Variants in LEPR observed in about 807,000 individuals in gnomAD.
LEPR encodes the protein leptin receptor, also known as OB receptor.
Under a neutral mutation model 114.7 loss-of-function variants are expected in LEPR, and 56 were observed. The observed-to-expected ratio is 0.49, with a 90% CI of 0.39 to 0.61. The LOEUF (loss-of-function observed/expected upper bound fraction) is 0.61, where lower values mean the gene tolerates loss of function less well. LEPR is among the 20% of genes least tolerant of loss of function. The pLI is 0.00. For synonymous variants in LEPR, 443 were observed against 461.4 expected, an observed-to-expected ratio of 0.96 and a Z score of 0.51; for missense variants, 1,202 against 1,352.9, an observed-to-expected ratio of 0.89 and a Z score of 1.75.
intron 2 of LEPR, among the ~76,000 whole-genome samples, chr1:65,470,003 A>G (rs1380011447): frequency 6.6e-6 from 1 of 152,204 alleles, no homozygotes; most frequent in Non-Finnish European, 1.5e-5. Context: ...CATACAGCCA[A>G]CAAAATGAAA....
At chr1:65,475,378 G>C (rs1053413709) in intron 2 of LEPR, among the ~76,000 whole-genome samples, 3 of 152,116 alleles carry the variant, frequency 2.0e-5, no homozygotes, top group Non-Finnish European at 4.4e-5. Flanking sequence ...CCTGAACAAG[G>C]CTGAGCTTAT....
intron 6 of LEPR, among the ~76,000 whole-genome samples, chr1:65,593,942 CAA>C (rs1186631351): frequency 2.0e-5 from 3 of 151,870 alleles, no homozygotes; most frequent in African/African-American, 7.3e-5. Flanking sequence ...CATTGTTTTT[CAA>C]AATGAAGTAG....
intron 2 of LEPR, among the ~76,000 whole-genome samples, chr1:65,528,704 T>C (rs1202928257): frequency 6.6e-6 from 1 of 152,162 alleles, no homozygotes; most frequent in African/African-American, 2.4e-5. Context: ...TTTCTCATTA[T>C]TCACCACCCC....
At chr1:65,425,231 A>G in intron 1 of LEPR, 72 bp from the exon 2 acceptor site, 1 of 1,348,442 alleles carries the variant, frequency 7.4e-7, no homozygotes, top group Admixed American at 2.0e-5. Context: ...GTCACTCCCC[A>G]TTTCCCCAAA....
intron 2 of LEPR, among the ~76,000 whole-genome samples, chr1:65,494,779 C>T (rs1047973607): frequency 6.6e-6 from 1 of 152,076 alleles, no homozygotes; most frequent in Non-Finnish European, 1.5e-5. Flanking sequence ...CGCCTAATCT[C>T]CTGCTAGGTG....
intron 1 of LEPR, among the ~76,000 whole-genome samples, chr1:65,421,932 T>G (rs912355048): frequency 2.0e-5 from 3 of 152,196 alleles, no homozygotes; most frequent in Non-Finnish European, 4.4e-5. Flanking sequence ...TGTTCAACTT[T>G]TATTGAGGAA....
At chr1:65,425,593 C>G (rs931377082) in intron 2 of LEPR, among the ~76,000 whole-genome samples, 1 of 152,144 alleles carries the variant, frequency 6.6e-6, no homozygotes, top group Non-Finnish European at 1.5e-5. Flanking sequence ...TTGTTTAACA[C>G]CTACTCTGGA....
intron 6 of LEPR, among the ~76,000 whole-genome samples, chr1:65,594,036 A>G (rs1005579794): frequency 7.2e-5 from 11 of 152,034 alleles, no homozygotes; most frequent in African/African-American, 2.7e-4. Context: ...TTTGGGGAAA[A>G]GTATTTCCTT....
chr1:65,598,021 G>T (rs916794596), intron 7 of LEPR, among the ~76,000 whole-genome samples: 1 of 149,758 alleles, frequency 6.7e-6, no homozygotes, highest in Non-Finnish European at 1.5e-5. Context: ...TAGAGCCAGA[G>T]AATTTATTAA....
At chr1:65,481,823 A>T (rs1647248390) in intron 2 of LEPR, among the ~76,000 whole-genome samples, 1 of 131,254 alleles carries the variant, frequency 7.6e-6, no homozygotes, top group Admixed American at 7.3e-5. Context: ...TAATGTTACT[A>T]AAAAAAAAAA....
intron 2 of LEPR, among the ~76,000 whole-genome samples, chr1:65,556,973 C>T (rs998032718): frequency 6.6e-6 from 1 of 152,078 alleles, no homozygotes; most frequent in African/African-American, 2.4e-5. Flanking sequence ...ACTTTAACTG[C>T]TATGTTGATA....
chr1:65,455,822 T>G (rs1180384608), intron 2 of LEPR, among the ~76,000 whole-genome samples: 1 of 152,236 alleles, frequency 6.6e-6, no homozygotes, highest in Non-Finnish European at 1.5e-5. Flanking sequence ...AGTTCGAGCT[T>G]CCTGGCTGCT....
At chr1:65,496,531 C>T (rs1310200403) in intron 2 of LEPR, among the ~76,000 whole-genome samples, 3 of 152,136 alleles carry the variant, frequency 2.0e-5, no homozygotes, top group African/African-American at 7.2e-5. Flanking sequence ...GATCAAACCA[C>T]TGCATTCCAG....
intron 2 of LEPR, among the ~76,000 whole-genome samples, chr1:65,533,021 AAAT>A (rs1256227187): frequency 6.6e-6 from 1 of 152,220 alleles, no homozygotes. Flanking sequence ...ATATTTTAAA[AAAT>A]ACTTTAAAAA....
chr1:65,597,964 A>G (rs1417652874), intron 7 of LEPR, among the ~76,000 whole-genome samples: 2 of 151,970 alleles, frequency 1.3e-5, no homozygotes, highest in African/African-American at 2.4e-5. Flanking sequence ...GATGCTTTTC[A>G]TAATTTTTAG....
At chr1:65,567,803 G>C (rs1653878125) in intron 3 of LEPR, among the ~76,000 whole-genome samples, 1 of 152,116 alleles carries the variant, frequency 6.6e-6, no homozygotes, top group South Asian at 2.1e-4. Flanking sequence ...GGAAGGTACA[G>C]AGATTTTCCG....
intron 3 of LEPR, among the ~76,000 whole-genome samples, chr1:65,568,063 C>T (rs10157610): frequency 0.034 from 5,221 of 152,182 alleles, 302 homozygotes; most frequent in African/African-American, 0.12. Context: ...TTGTGGCCTT[C>T]CTATTCCTCC....
chr1:65,575,914 G>C (rs1654552694), intron 5 of LEPR, among the ~76,000 whole-genome samples: 1 of 151,374 alleles, frequency 6.6e-6, no homozygotes, highest in Admixed American at 6.6e-5. Flanking sequence ...TTCATCTGCG[G>C]ACACTCAGTG....
At chr1:65,526,635 G>T (rs777142770) in intron 2 of LEPR, among the ~76,000 whole-genome samples, 1 of 152,098 alleles carries the variant, frequency 6.6e-6, no homozygotes, top group Non-Finnish European at 1.5e-5. Flanking sequence ...CACGGCTCTG[G>T]AATTGGAATC....
Sources: allele counts gnomAD v4.1 joint callset (sites outside exome capture counted in the v4.1 genomes callset), GRCh38; gene constraint gnomAD v4.1.1; transcripts MANE v1.5; gene names NCBI Gene and HGNC (gene_info 2026-07-23, HGNC 2026-07-21).